The following KCNIP4 variants were observed in gnomAD, a reference collection of about 807,000 sequenced individuals.
KCNIP4 encodes potassium voltage-gated channel interacting protein 4.
A neutral mutation model predicts 34.0 loss-of-function variants in KCNIP4; 12 were observed. The ratio of observed to expected loss-of-function variants is 0.35; its 90% CI spans 0.23 to 0.57. The LOEUF (loss-of-function observed/expected upper bound fraction) is 0.57. KCNIP4 is among the 20% of genes least tolerant of loss of function. The probability of loss-of-function intolerance (pLI) is 0.83; values close to 1 mark genes in which losing one functional copy is unlikely to be tolerated. For synonymous variants in KCNIP4, 124 were observed against 102.2 expected, an observed-to-expected ratio of 1.21 and a Z score of -1.29; for missense variants, 238 against 311.7, an observed-to-expected ratio of 0.76 and a Z score of 1.78.
Position 20,729,716 on chromosome 4 carries a change from A to ACTGAATACATACAAATGAGTAG in KCNIP4, c.*344_*365dup, listed in dbSNP as rs1422277954. 1.7e-5 allele frequency: 3 copies of ACTGAATACATACAAATGAGTAG among 172,814 alleles called. No homozygotes were observed. Among genetic ancestry groups the ACTGAATACATACAAATGAGTAG allele is most frequent in the African/African-American group, 7.1e-5 (3 of 42,368 alleles). 10.7% of individuals were successfully genotyped at this position (172,814 alleles called of 1,614,324 possible). ...TTAGAAAACCATTCAAAATCCTAGG[A>ACTGAATACATACAAATGAGTAG]CTGAATACATACAAATGAGTAGCAA... On this transcript the variant is annotated 3_prime_UTR_variant, in exon 9 of 9. Transcript: ENST00000382152.
chr4:21,090,123 C>T (rs1028181147), intron 1 of KCNIP4, among the ~76,000 whole-genome samples: 6 of 152,122 alleles, frequency 3.9e-5, no homozygotes, highest in Non-Finnish European at 7.4e-5. Flanking sequence ...CTGCCCATGC[C>T]GTTAGAATTT....
At chr4:21,467,073 AAC>A (rs33937973) in intron 1 of KCNIP4, among the ~76,000 whole-genome samples, 11,409 of 139,810 alleles carry the variant, frequency 0.082, 536 homozygotes, top group East Asian at 0.15. Context: ...AACCAAAACA[AAC>A]ACACACACAC....
chr4:21,900,704 C>T lies in KCNIP4; in HGVS notation c.61+47867G>A, dbSNP rs528399851. 3.3e-5 allele frequency among the ~76,000 whole-genome samples: 5 copies of T among 152,266 alleles called. No homozygotes were observed. In the South Asian group the frequency reaches 1.0e-3, roughly 32 times the overall value. ...TGATTTCTGATTGTATGTCTAGTCCCTAGGAATAGTGTAAACATTGTTATG... is the reference window on the plus strand; with the variant it reads ...TGATTTCTGATTGTATGTCTAGTCCTTAGGAATAGTGTAAACATTGTTATG... On this transcript the variant is annotated intron_variant, in intron 1 of 8. Transcript: ENST00000382152.
At chr4:21,629,621 A>T (rs1745573122) in intron 1 of KCNIP4, among the ~76,000 whole-genome samples, 1 of 152,158 alleles carries the variant, frequency 6.6e-6, no homozygotes, top group Non-Finnish European at 1.5e-5. Flanking sequence ...AAATAGAAAT[A>T]AAACTGCATG....
chr4:21,713,931 G>A (rs796103057), intron 1 of KCNIP4, among the ~76,000 whole-genome samples: 4 of 152,042 alleles, frequency 2.6e-5, no homozygotes, highest in African/African-American at 4.8e-5. Context: ...AAAATTCAAC[G>A]AAAATGATAT....
intron 2 of KCNIP4, among the ~76,000 whole-genome samples, chr4:20,866,616 C>G (rs1722908690): frequency 6.6e-6 from 1 of 152,018 alleles, no homozygotes; most frequent in South Asian, 2.1e-4. Context: ...GATGCTCACT[C>G]TCACCACTCC....
chr4:21,795,916 A>G (rs1210817899), intron 1 of KCNIP4, among the ~76,000 whole-genome samples: 1 of 152,118 alleles, frequency 6.6e-6, no homozygotes, highest in Non-Finnish European at 1.5e-5. Flanking sequence ...CTAAAAATGC[A>G]AAAATTAGCT....
At chr4:20,998,211 G>A (rs1272573127) in intron 1 of KCNIP4, among the ~76,000 whole-genome samples, 1 of 152,174 alleles carries the variant, frequency 6.6e-6, no homozygotes, top group Non-Finnish European at 1.5e-5. Context: ...GAGATGTAAG[G>A]AGAACCTAGA....
intron 1 of KCNIP4, among the ~76,000 whole-genome samples, chr4:21,866,905 G>T (rs1725462538): frequency 6.6e-6 from 1 of 151,360 alleles, no homozygotes; most frequent in South Asian, 2.1e-4. Context: ...CCCAGTAGCT[G>T]GGACTACAGG....
In KCNIP4 at chr4:20,729,605, T is replaced by TGGGAAGGCC. The variant is rs1249593891; in HGVS notation, c.*476_*477insGGCCTTCCC. 1 of 142,348 alleles carries TGGGAAGGCC rather than the reference T, an allele frequency of 7.0e-6. No homozygotes were observed. The highest frequency in any genetic ancestry group is 2.7e-5 in the African/African-American group (1 of 36,726). The allele number at this position is 142,348 out of a possible 1,614,324, so 8.8% of individuals were successfully genotyped here. ...TTGTTGTAATCTTGTTTCCTTAAAG[T>TGGGAAGGCC]ATATAAATGGAATTTAAATGGAATT... On this transcript the variant is annotated 3_prime_UTR_variant, in exon 9 of 9. Transcript: ENST00000382152.
chr4:21,612,608 A>C (rs998805805), intron 1 of KCNIP4, among the ~76,000 whole-genome samples: 1 of 152,234 alleles, frequency 6.6e-6, no homozygotes, highest in Non-Finnish European at 1.5e-5. Context: ...CATACTCTAC[A>C]TTGGCATCTA....
intron 8 of KCNIP4, 25 bp from the exon 9 acceptor site, chr4:20,730,154 T>G (rs1747634140): frequency 6.3e-7 from 1 of 1,591,518 alleles, no homozygotes; most frequent in Non-Finnish European, 8.5e-7. Context: ...CACAGAGCGA[T>G]TAAATTCAGC....
intron 1 of KCNIP4, among the ~76,000 whole-genome samples, chr4:21,925,130 A>G (rs1177204777): frequency 6.6e-6 from 1 of 152,022 alleles, no homozygotes; most frequent in East Asian, 1.9e-4. Flanking sequence ...CATGTGTACA[A>G]CGTGCAGGTT....
At chr4:21,571,470 T>C (rs947656030) in intron 1 of KCNIP4, among the ~76,000 whole-genome samples, 3 of 152,194 alleles carry the variant, frequency 2.0e-5, no homozygotes, top group Non-Finnish European at 1.5e-5. Flanking sequence ...CTTAAGAGTT[T>C]GGCTCCTTAT....
intron 1 of KCNIP4, among the ~76,000 whole-genome samples, chr4:21,250,918 T>G (rs1365683661): frequency 1.3e-5 from 2 of 150,788 alleles, no homozygotes; most frequent in Admixed American, 1.3e-4. Context: ...CTATATTATA[T>G]GCATATATTT....
intron 3 of KCNIP4, among the ~76,000 whole-genome samples, chr4:20,794,774 A>AT (rs1713236956): frequency 6.6e-6 from 1 of 152,244 alleles, no homozygotes; most frequent in African/African-American, 2.4e-5. Context: ...GCATAGGCAT[A>AT]TAAGTGTGGC....
chr4:21,292,385 T>C (rs953699517), intron 1 of KCNIP4, among the ~76,000 whole-genome samples: 2 of 152,186 alleles, frequency 1.3e-5, no homozygotes, highest in South Asian at 2.1e-4. Flanking sequence ...TACTAACAGA[T>C]ACTCTCTACA....
chr4:21,515,443 C>T (rs1295744104), intron 1 of KCNIP4, among the ~76,000 whole-genome samples: 1 of 152,016 alleles, frequency 6.6e-6, no homozygotes, highest in Admixed American at 6.6e-5. Flanking sequence ...TCGAGACCAT[C>T]CTGGTTAACA....
intron 1 of KCNIP4, among the ~76,000 whole-genome samples, chr4:21,244,965 C>T (rs555326658): frequency 6.6e-6 from 1 of 152,238 alleles, no homozygotes; most frequent in South Asian, 2.1e-4. Flanking sequence ...AATTTGTCTG[C>T]ATCTATTACA....
Sources: allele counts gnomAD v4.1 joint callset (sites outside exome capture counted in the v4.1 genomes callset), GRCh38; gene constraint gnomAD v4.1.1; transcripts MANE v1.5; gene names NCBI Gene and HGNC (gene_info 2026-07-23, HGNC 2026-07-21).